The following PRRC2B variants were observed in gnomAD, a reference collection of about 807,000 sequenced individuals.
The protein encoded by PRRC2B is protein PRRC2B.
Under a neutral mutation model 242.3 loss-of-function variants are expected in PRRC2B, and 68 were observed. The observed-to-expected ratio is 0.28, with a 90% CI of 0.23 to 0.34. The LOEUF is 0.34. Ranked by LOEUF, PRRC2B falls within the 10% of genes least tolerant of loss-of-function variation. The probability of loss-of-function intolerance (pLI) is 1.00; values close to 1 mark genes in which losing one functional copy is unlikely to be tolerated. For synonymous variants in PRRC2B, 1,228 were observed against 1,173.6 expected, an observed-to-expected ratio of 1.05 and a Z score of -0.95; for missense variants, 2,835 against 2,954.8, an observed-to-expected ratio of 0.96 and a Z score of 0.94.
intron 5 of PRRC2B, among the ~76,000 whole-genome samples, chr9:131,440,874 A>G (rs1838545927): frequency 6.6e-6 from 1 of 151,996 alleles, no homozygotes; most frequent in African/African-American, 2.4e-5. Context: ...CTGAGGCAGA[A>G]GGATTGCTTG....
chr9:131,409,180 GC>G (rs1294732301), intron 1 of PRRC2B, among the ~76,000 whole-genome samples: 1 of 151,498 alleles, frequency 6.6e-6, no homozygotes. Context: ...GTGCCACGAC[GC>G]CCGGCTAATT....
At chr9:131,440,915 C>A (rs963181690) in intron 5 of PRRC2B, among the ~76,000 whole-genome samples, 2 of 152,130 alleles carry the variant, frequency 1.3e-5, no homozygotes, top group Admixed American at 1.3e-4. Flanking sequence ...GCCTGGGCAA[C>A]ATGGTGAAAC....
intron 28 of PRRC2B, among the ~76,000 whole-genome samples, chr9:131,490,148 C>T (rs1330145904): frequency 6.6e-6 from 1 of 151,972 alleles, no homozygotes; most frequent in Admixed American, 6.6e-5. Context: ...CATCTCAAGA[C>T]TCATCATATT....
chr9:131,469,061 C>T (rs541600306), intron 13 of PRRC2B, among the ~76,000 whole-genome samples: 21 of 152,214 alleles, frequency 1.4e-4, no homozygotes, highest in East Asian at 1.2e-3. Flanking sequence ...AAGGAATTGC[C>T]GGGCGTGGTG....
chr9:131,491,537 C>T lies in PRRC2B; in HGVS notation c.6338C>T (p.Pro2113Leu). ...SLSVGAPRRIPPPGSQPPVLN... is the reference protein window; with the variant it reads ...SLSVGAPRRILPPGSQPPVLN... ...TCCGTTGGGGCCCCCCGAAGGATTC[C>T]TCCGCCCGGGTCCCAGCCGCCAGTC... is the stretch of plus-strand genomic sequence containing the variant. The change falls in exon 29 of 32, where the codon CCT (proline) becomes CTT (leucine). Residue 2113 changes from proline (P) to leucine (L), a missense_variant. Physicochemically the swap from Pro to Leu is moderately conservative, Grantham distance 98 (BLOSUM62 -3). Coordinates refer to ENST00000683519, the MANE Select transcript of PRRC2B (RefSeq NM_013318.4). The T allele has an allele frequency of 6.2e-7, 1 of 1,611,838 alleles. No individual in the cohort carries two copies. Among genetic ancestry groups the T allele is most frequent in the Non-Finnish European group, 8.5e-7 (1 of 1,179,394 alleles).
At chr9:131,404,914 A>G (rs935734689) in intron 1 of PRRC2B, among the ~76,000 whole-genome samples, 3 of 152,242 alleles carry the variant, frequency 2.0e-5, no homozygotes, top group Non-Finnish European at 4.4e-5. Context: ...GTAAGCATGT[A>G]AGTGTGAGAA....
chr9:131,413,425 G>A (rs546992460), intron 1 of PRRC2B, among the ~76,000 whole-genome samples: 1 of 152,292 alleles, frequency 6.6e-6, no homozygotes, highest in East Asian at 1.9e-4. Context: ...TACCCTTTCT[G>A]CAGAAAGTAT....
chr9:131,482,317 C>A lies in PRRC2B; in HGVS notation c.4984-54C>A. On this transcript the variant is annotated intron_variant, in intron 20 of 31. Transcript: ENST00000683519. This position sits in a 1 kb window ranked among gnomAD's most constrained non-coding sequence, Gnocchi z 5.2. ...TCTGTGCCACATGCAGTTTTACTCT[C>A]TGGATAATCGAGTTGGGAGTTTGAG... 5 of 1,507,278 alleles carry A rather than the reference C, an allele frequency of 3.3e-6. No individual in the cohort carries two copies. The highest frequency in any genetic ancestry group is 4.5e-6 in the Non-Finnish European group (5 of 1,120,994). The allele number at this position is 1,507,278 out of a possible 1,614,324, so 93.4% of individuals were successfully genotyped here.
Position 131,470,909 on chromosome 9 carries a change from C to T in PRRC2B, c.2033C>T (p.Pro678Leu), listed in dbSNP as rs1943525669. ...LGFDPRWMMM[P>L]SYMDPRITPT... is the part of the protein sequence containing the mutation. Reference sequence around the variant, plus strand: ...TTCGATCCCAGGTGGATGATGATGCCTTCCTACATGGACCCACGTATCACG... The same window carrying T: ...TTCGATCCCAGGTGGATGATGATGCTTTCCTACATGGACCCACGTATCACG... Residue 678 changes from proline to leucine, a missense_variant, in exon 14 of 32, where the codon CCT becomes CTT. Pro to Leu is a moderately conservative substitution (Grantham distance 98, BLOSUM62 -3). Around this residue, in one of 7 missense-constraint regions of PRRC2B, gnomAD observed 1,536 missense variants for 1,483.1 expected, o/e 1.04. Coordinates refer to ENST00000683519, the MANE Select transcript of PRRC2B (RefSeq NM_013318.4). 1.2e-6 allele frequency: 2 copies of T among 1,612,316 alleles called. No individual in the cohort carries two copies. The highest frequency in any genetic ancestry group is 1.7e-6 in the Non-Finnish European group (2 of 1,178,820).
chr9:131,453,228 TA>T (rs912679900), intron 9 of PRRC2B, among the ~76,000 whole-genome samples: 1 of 152,198 alleles, frequency 6.6e-6, no homozygotes, highest in African/African-American at 2.4e-5. Flanking sequence ...TGCTCTGACT[TA>T]CTGTTTTCAG....
intron 1 of PRRC2B, among the ~76,000 whole-genome samples, chr9:131,381,588 G>T (rs147776798): frequency 0.041 from 6,215 of 151,164 alleles, 435 homozygotes; most frequent in African/African-American, 0.14. Flanking sequence ...CCAGCCAATT[G>T]TTTTGTATTT....
chr9:131,462,836 T>TTAAAAA (rs1554763506), intron 11 of PRRC2B, among the ~76,000 whole-genome samples: 2 of 81,940 alleles, frequency 2.4e-5, no homozygotes, highest in Non-Finnish European at 4.5e-5. Flanking sequence ...AGACTCCGTC[T>TTAAAAA]AAAAAAAAAA....
At chr9:131,469,471 T>C (rs1216388307) in intron 13 of PRRC2B, among the ~76,000 whole-genome samples, 1 of 152,222 alleles carries the variant, frequency 6.6e-6, no homozygotes, top group Admixed American at 6.5e-5. Flanking sequence ...GCCTTCTCTG[T>C]GGACTGGGAG....
At chr9:131,380,664 G>A (rs62582179) in intron 1 of PRRC2B, among the ~76,000 whole-genome samples, 7,710 of 151,796 alleles carry the variant, frequency 0.051, 281 homozygotes, top group Non-Finnish European at 0.074. Context: ...GAATTACGAG[G>A]TCGGGAGTTT....
At chr9:131,397,563 GT>G (rs58424444) in intron 1 of PRRC2B, among the ~76,000 whole-genome samples, 4 of 98,980 alleles carry the variant, frequency 4.0e-5, no homozygotes, top group African/African-American at 1.3e-4. Context: ...ACTTTTGAGG[GT>G]TTTTTTTTTT....
chr9:131,424,535 A>G lies in PRRC2B; in HGVS notation c.-51-5559A>G, dbSNP rs1837930514. On this transcript the variant is annotated intron_variant, in intron 1 of 31. Coordinates refer to ENST00000683519, the MANE Select transcript of PRRC2B (RefSeq NM_013318.4). ...AACCCTGTCTCTACTAAAATACGAA[A>G]ATTAGCTGGGCGTGGTGGCGCGCAC... Among the ~76,000 whole-genome samples the G allele has an allele frequency of 2.0e-5, 3 of 151,856 alleles. No individual in the cohort carries two copies. In the South Asian group the frequency reaches 6.3e-4, roughly 32 times the overall value.
At chr9:131,378,925 G>A (rs1836720549) in intron 1 of PRRC2B, among the ~76,000 whole-genome samples, 1 of 152,112 alleles carries the variant, frequency 6.6e-6, no homozygotes, top group Non-Finnish European at 1.5e-5. Context: ...CACCATGTTG[G>A]CCAGGCTGGT....
chr9:131,430,740 G>C (rs918578413), intron 2 of PRRC2B, among the ~76,000 whole-genome samples: 2 of 151,606 alleles, frequency 1.3e-5, no homozygotes, highest in African/African-American at 4.9e-5. Context: ...TTACAGATGT[G>C]TGCCACCACG....
At chr9:131,474,348 A>T (rs4740160) in intron 15 of PRRC2B, 106 bp from the exon 16 acceptor site, 954,882 of 961,034 alleles carry the variant, frequency 0.99, 474,592 homozygotes, top group East Asian at 1. Flanking sequence ...AAAGTGTTTT[A>T]GTTTTTGTTT....
Sources: gnomAD v4.1 joint callset for allele counts (sites outside exome capture counted in the v4.1 genomes callset) on GRCh38, gnomAD v4.1.1 for gene constraint, gnomAD v4.1.1 regional missense constraint, Gnocchi (gnomAD v3.1) non-coding constraint, MANE v1.5 for transcripts, NCBI Gene and HGNC (gene_info 2026-07-23, HGNC 2026-07-21) for gene names.